The following LIMCH1 variants were observed in gnomAD, a reference collection of about 807,000 sequenced individuals.
LIMCH1 encodes LIM and calponin homology domains-containing protein 1.
In LIMCH1, 113 loss-of-function variants were observed where a neutral mutation model predicts 176.5. The ratio of observed to expected loss-of-function variants is 0.64; its 90% confidence interval spans 0.55 to 0.75. The LOEUF (loss-of-function observed/expected upper bound fraction) is 0.75, where lower values mean the gene tolerates loss of function less well. LIMCH1 is among the 30% of genes least tolerant of loss of function. The pLI, the probability that LIMCH1 is intolerant of heterozygous loss-of-function variation, is 0.00. For missense variants in LIMCH1, 1,674 were observed against 1,814.9 expected (o/e 0.92, Z 1.41); for synonymous variants, 619 against 645.9 (o/e 0.96, Z 0.63).
chr4:41,418,996 A>T (rs2060190516), intron 1 of LIMCH1, among the ~76,000 whole-genome samples: 1 of 152,208 alleles, frequency 6.6e-6, no homozygotes, highest in African/African-American at 2.4e-5. Flanking sequence ...TCCACATTTC[A>T]CAAAGGATTG....
At chr4:41,604,274 G>T (rs1434358906) in intron 3 of LIMCH1, 1 of 917,228 alleles carries the variant, frequency 1.1e-6, no homozygotes, top group African/African-American at 1.8e-5. Context: ...TTGTTGTAGG[G>T]TAAGATCTGC....
intron 18 of LIMCH1, among the ~76,000 whole-genome samples, chr4:41,651,269 G>T (rs1224676876): frequency 6.6e-6 from 1 of 152,158 alleles, no homozygotes; most frequent in Non-Finnish European, 1.5e-5. Context: ...CCTCCCAAAA[G>T]TGCTGGGATT....
intron 1 of LIMCH1, among the ~76,000 whole-genome samples, chr4:41,544,537 C>T (rs576118117): frequency 3.3e-5 from 5 of 152,126 alleles, no homozygotes; most frequent in Non-Finnish European, 7.4e-5. Flanking sequence ...CCTCCAGGTG[C>T]CCAGTGGTTC....
At chr4:41,603,252 T>G (rs1226642257) in intron 2 of LIMCH1, among the ~76,000 whole-genome samples, 1 of 151,956 alleles carries the variant, frequency 6.6e-6, no homozygotes, top group Non-Finnish European at 1.5e-5. Flanking sequence ...TTTCATTGTA[T>G]GAATATTTCG....
intron 2 of LIMCH1, among the ~76,000 whole-genome samples, chr4:41,508,180 G>C (rs560952265): frequency 7.2e-5 from 11 of 152,244 alleles, no homozygotes; most frequent in African/African-American, 2.2e-4. Context: ...AAGTAGTGGG[G>C]GCAAGATTGT....
chr4:41,477,237 C>G (rs2067885302), intron 1 of LIMCH1, among the ~76,000 whole-genome samples: 1 of 152,150 alleles, frequency 6.6e-6, no homozygotes, highest in Non-Finnish European at 1.5e-5. Context: ...TATCCAGGCT[C>G]CTGATAGCCC....
chr4:41,613,955 G>A (rs769519176), intron 5 of LIMCH1, among the ~76,000 whole-genome samples: 3 of 152,184 alleles, frequency 2.0e-5, no homozygotes, highest in Non-Finnish European at 2.9e-5. Flanking sequence ...TCAAGACACT[G>A]TGCAGACCAT....
At chr4:41,450,371 C>T (rs1246785516) in intron 1 of LIMCH1, among the ~76,000 whole-genome samples, 1 of 152,006 alleles carries the variant, frequency 6.6e-6, no homozygotes, top group Non-Finnish European at 1.5e-5. Context: ...ATGGGTAAAT[C>T]ACATTAGGGA....
chr4:41,432,709 T>C (rs2061707860), intron 1 of LIMCH1, among the ~76,000 whole-genome samples: 1 of 152,244 alleles, frequency 6.6e-6, no homozygotes, highest in Non-Finnish European at 1.5e-5. Context: ...GATTTTTACT[T>C]TGAATTATGA....
intron 25 of LIMCH1, among the ~76,000 whole-genome samples, 171 bp from the exon 26 acceptor site, chr4:41,682,162 C>T (rs145946879): frequency 2.6e-3 from 395 of 152,314 alleles, no homozygotes; most frequent in African/African-American, 9.1e-3. Flanking sequence ...TCAGATTATA[C>T]ATTTATTCCA....
chr4:41,438,298 G>A (rs1379747916), intron 1 of LIMCH1, among the ~76,000 whole-genome samples: 1 of 152,178 alleles, frequency 6.6e-6, no homozygotes, highest in African/African-American at 2.4e-5. Context: ...CACATCGTCA[G>A]GTGAGTAGTG....
chr4:41,527,690 G>A (rs1358807578), intron 3 of LIMCH1, among the ~76,000 whole-genome samples: 1 of 152,090 alleles, frequency 6.6e-6, no homozygotes, highest in Non-Finnish European at 1.5e-5. Context: ...AGGCGCGGTG[G>A]TGGGCGCCTG....
chr4:41,624,815 C>G (rs2092832353), intron 7 of LIMCH1, among the ~76,000 whole-genome samples: 2 of 152,128 alleles, frequency 1.3e-5, no homozygotes, highest in Non-Finnish European at 2.9e-5. Flanking sequence ...AATATATAAG[C>G]CTCAGAAATG....
intron 1 of LIMCH1, among the ~76,000 whole-genome samples, chr4:41,408,077 T>C (rs186267737): frequency 2.0e-5 from 3 of 152,298 alleles, no homozygotes; most frequent in East Asian, 1.9e-4. Context: ...CCATAGTTAG[T>C]GTTCAAAATG....
rs570866589 is a variant in LIMCH1 at position 41,560,015 on chromosome 4, C to G, written c.-241+21665C>G. Among the ~76,000 whole-genome samples, 28 of 152,180 alleles carry G rather than the reference C, an allele frequency of 1.8e-4. 1 individual carries two copies. Among genetic ancestry groups the G allele is most frequent in the Admixed American group, 2.0e-4 (3 of 15,276 alleles). On this transcript the variant is annotated intron_variant, in intron 1 of 31. Transcript: ENST00000503057. ...TTATTTCCAAGTACTACCTAGACTTCTTTTCCTGTGTTCCTGACAATTTCT... is the reference window on the plus strand; with the variant it reads ...TTATTTCCAAGTACTACCTAGACTTGTTTTCCTGTGTTCCTGACAATTTCT...
chr4:41,605,891 C>G lies in LIMCH1; in HGVS notation c.-102-3C>G. 6.2e-7 allele frequency: 1 copy of G among 1,600,004 alleles called. No individual in the cohort carries two copies. The highest frequency in any genetic ancestry group is 8.6e-7 in the Non-Finnish European group (1 of 1,167,518). On this transcript the variant is annotated splice_polypyrimidine_tract_variant and splice_region_variant and intron_variant, in intron 3 of 31. Coordinates refer to ENST00000503057, the MANE Select transcript of LIMCH1 (RefSeq NM_001330672.2). Reference sequence around the variant, plus strand: ...ATCTGCTCTTGTGCGTTTTGTTCCACAGGTATTAGTTACCATTTACTGGCT... The same window carrying G: ...ATCTGCTCTTGTGCGTTTTGTTCCAGAGGTATTAGTTACCATTTACTGGCT...
At chr4:41,575,857 T>TCGAC (rs928209952) in intron 1 of LIMCH1, among the ~76,000 whole-genome samples, 16 of 152,128 alleles carry the variant, frequency 1.1e-4, no homozygotes, top group African/African-American at 3.1e-4. Flanking sequence ...GGGCTTCAGG[T>TCGAC]CCATCAGCTG....
chr4:41,537,777 G>T (rs893396833), upstream of LIMCH1, among the ~76,000 whole-genome samples: 1 of 152,130 alleles, frequency 6.6e-6, no homozygotes, highest in East Asian at 1.9e-4. Context: ...ATGAACATTA[G>T]GATGGTCTTA....
intron 1 of LIMCH1, among the ~76,000 whole-genome samples, chr4:41,374,557 T>C (rs2054447643): frequency 7.4e-6 from 1 of 134,460 alleles, no homozygotes; most frequent in Non-Finnish European, 1.5e-5. Context: ...TAATAATTTT[T>C]TTCATTCAAT....
Sources: gnomAD v4.1 joint callset for allele counts (sites outside exome capture counted in the v4.1 genomes callset) on GRCh38, gnomAD v4.1.1 for gene constraint, MANE v1.5 for transcripts, NCBI Gene and HGNC (gene_info 2026-07-23, HGNC 2026-07-21) for gene names.